SH3KBP1: variants seen among roughly 807,000 people sequenced by gnomAD.
The protein encoded by SH3KBP1 is SH3 domain containing kinase binding protein 1.
Under a neutral mutation model 50.1 loss-of-function variants are expected in SH3KBP1, and 8 were observed. The ratio of observed to expected loss-of-function variants is 0.16; its 90% confidence interval spans 0.09 to 0.29. The LOEUF (loss-of-function observed/expected upper bound fraction) is 0.29, where lower values mean the gene tolerates loss of function less well. Ranked by LOEUF, SH3KBP1 falls within the 10% of genes least tolerant of loss-of-function variation. The pLI is 1.00. For missense variants in SH3KBP1, 377 were observed against 535.2 expected, an observed-to-expected ratio of 0.70 and a Z score of 2.92; for synonymous variants, 227 against 218.6, an observed-to-expected ratio of 1.04 and a Z score of -0.34.
intron 6 of SH3KBP1, among the ~76,000 whole-genome samples, chrX:19,672,917 C>T (rs777342060): frequency 1.4e-4 from 13 of 94,803 alleles, no homozygotes; most frequent in Non-Finnish European, 2.5e-4. Context: ...ATTAGCCAGG[C>T]CTGGTGGCAG....
chrX:19,545,446 T>C (rs1258401242), intron 15 of SH3KBP1, among the ~76,000 whole-genome samples: 1 of 112,580 alleles, frequency 8.9e-6, no homozygotes, highest in Non-Finnish European at 1.9e-5. Flanking sequence ...TATCATAGAA[T>C]GTGACTCCAA....
chrX:19,820,383 T>C (rs889583738), intron 2 of SH3KBP1, among the ~76,000 whole-genome samples: 40 of 111,552 alleles, frequency 3.6e-4, no homozygotes, highest in African/African-American at 1.1e-3. Flanking sequence ...GTTGCAGCTC[T>C]GTTGCTTGGC....
chrX:19,638,092 CA>C (rs760527076), intron 7 of SH3KBP1, among the ~76,000 whole-genome samples: 1 of 98,275 alleles, frequency 1.0e-5, no homozygotes, highest in African/African-American at 3.8e-5. Context: ...CAAAACAAAA[CA>C]AAAAAAAACA....
chrX:19,586,286 C>T (rs1198528817), intron 12 of SH3KBP1, among the ~76,000 whole-genome samples: 5 of 111,911 alleles, frequency 4.5e-5, no homozygotes, highest in African/African-American at 1.6e-4. Context: ...TGGAATTCCA[C>T]TTCTCTTCAA....
intron 2 of SH3KBP1, among the ~76,000 whole-genome samples, chrX:19,798,016 C>T (rs1180592004): frequency 9.0e-6 from 1 of 110,982 alleles, no homozygotes; most frequent in African/African-American, 3.3e-5. Context: ...AGTACCATGA[C>T]GGTGTCCTAC....
chrX:19,752,587 C>T (rs1434132262), intron 2 of SH3KBP1, among the ~76,000 whole-genome samples: 1 of 110,847 alleles, frequency 9.0e-6, no homozygotes, highest in Non-Finnish European at 1.9e-5. Context: ...GGGAGGTGTA[C>T]CAGGGAGTCT....
At position 19,856,951 on chromosome X, in the gene SH3KBP1, C is replaced by CTTT. The variant is rs758486199; in HGVS notation, c.5-20672_5-20670dup. ...CTTTTCCCCTAGAGCTAATACTAGT[C>CTTT]TTTTTTTTTTTTTTTTTTTTTTTTT... On this transcript the variant is annotated intron_variant, in intron 1 of 17. Coordinates refer to ENST00000397821, the MANE Select transcript of SH3KBP1 (RefSeq NM_031892.3). 1.8e-3 allele frequency among the ~76,000 whole-genome samples: 37 copies of CTTT among 20,037 alleles called. 6 individuals carry two copies. Among genetic ancestry groups the CTTT allele is most frequent in the African/African-American group, 2.7e-3 (20 of 7,446 alleles). The allele number at this position is 20,037 out of a possible 115,157, so 17.4% of individuals were successfully genotyped here.
chrX:19,575,916 G>A (rs938039400), intron 12 of SH3KBP1, among the ~76,000 whole-genome samples: 2 of 111,753 alleles, frequency 1.8e-5, no homozygotes, highest in African/African-American at 6.5e-5. Context: ...CCCAGCATGT[G>A]GGTACCATTT....
At chrX:19,852,789 G>C (rs780640182) in intron 1 of SH3KBP1, among the ~76,000 whole-genome samples, 1 of 111,564 alleles carries the variant, frequency 9.0e-6, no homozygotes, top group Non-Finnish European at 1.9e-5. Flanking sequence ...CTTTGATCCA[G>C]TAAGTACTTA....
intron 4 of SH3KBP1, among the ~76,000 whole-genome samples, chrX:19,702,313 A>G (rs766323826): frequency 8.9e-6 from 1 of 111,905 alleles, no homozygotes; most frequent in Non-Finnish European, 1.9e-5. Flanking sequence ...TGTCTGACTG[A>G]TTTAAAGTTT....
intron 2 of SH3KBP1, among the ~76,000 whole-genome samples, chrX:19,820,209 C>T (rs969589016): frequency 1.8e-5 from 2 of 112,255 alleles, no homozygotes; most frequent in Non-Finnish European, 3.8e-5. Flanking sequence ...ATTCTGTAAA[C>T]ATCAATTACA....
intron 3 of SH3KBP1, among the ~76,000 whole-genome samples, chrX:19,717,885 G>A (rs1333819671): frequency 9.0e-6 from 1 of 111,384 alleles, no homozygotes; most frequent in Non-Finnish European, 1.9e-5. Flanking sequence ...CCCCTTAAAA[G>A]ACAGAAAACA....
At chrX:19,883,384 T>C (rs769471362) in intron 1 of SH3KBP1, among the ~76,000 whole-genome samples, 2 of 112,745 alleles carry the variant, frequency 1.8e-5, no homozygotes, top group Non-Finnish European at 3.8e-5. Context: ...AGCTTGCTCT[T>C]TCTCTGTCAC....
At chrX:19,556,249 CAA>C (rs1293012029) in intron 13 of SH3KBP1, among the ~76,000 whole-genome samples, 2 of 109,827 alleles carry the variant, frequency 1.8e-5, no homozygotes, top group Non-Finnish European at 3.8e-5. Context: ...GATTTGGAAA[CAA>C]GAATCTAAGA....
chrX:19,552,713 T>TA (rs1247674369), intron 13 of SH3KBP1, among the ~76,000 whole-genome samples: 2 of 109,777 alleles, frequency 1.8e-5, no homozygotes, highest in African/African-American at 3.3e-5. Context: ...CTGGACAATT[T>TA]AAAAAAACAA....
chrX:19,720,309 C>T (rs968578061), intron 3 of SH3KBP1, among the ~76,000 whole-genome samples: 3 of 110,910 alleles, frequency 2.7e-5, no homozygotes, highest in Non-Finnish European at 3.8e-5. Context: ...GGACACTTCC[C>T]TAATGTGTCC....
chrX:19,675,094 T>A (rs2062894464), intron 6 of SH3KBP1, among the ~76,000 whole-genome samples: 1 of 109,539 alleles, frequency 9.1e-6, no homozygotes, highest in Non-Finnish European at 1.9e-5. Context: ...AATAAATAAA[T>A]AAATAAATAA....
chrX:19,547,544 T>C (rs978180890), intron 14 of SH3KBP1, among the ~76,000 whole-genome samples: 7 of 112,343 alleles, frequency 6.2e-5, no homozygotes, highest in Non-Finnish European at 1.3e-4. Context: ...AAAATCCAAT[T>C]ACCTAGAATA....
At chrX:19,773,568 C>T (rs2065858455) in intron 2 of SH3KBP1, among the ~76,000 whole-genome samples, 1 of 109,447 alleles carries the variant, frequency 9.1e-6, no homozygotes, top group African/African-American at 3.3e-5. Context: ...TAAGAATCAT[C>T]ATTTTCAGCC....
Sources: allele counts gnomAD v4.1 joint callset (sites outside exome capture counted in the v4.1 genomes callset), GRCh38; gene constraint gnomAD v4.1.1; transcripts MANE v1.5; gene names NCBI Gene and HGNC (gene_info 2026-07-23, HGNC 2026-07-21).